Variants in FGF13 observed in about 807,000 individuals in gnomAD.
The protein encoded by FGF13 is fibroblast growth factor homologous factor 2.
A neutral mutation model predicts 19.5 loss-of-function variants in FGF13; 2 were observed. The observed-to-expected ratio is 0.10, with a 90% CI of 0.04 to 0.32. The LOEUF (loss-of-function observed/expected upper bound fraction) is 0.32. FGF13 is among the 10% of genes least tolerant of loss of function. The pLI is 1.00. For synonymous variants in FGF13, 72 were observed against 76.9 expected, an observed-to-expected ratio of 0.94 and a Z score of 0.33; for missense variants, 113 against 192.7, an observed-to-expected ratio of 0.59 and a Z score of 2.45.
intron 1 of FGF13, among the ~76,000 whole-genome samples, chrX:139,168,582 C>T (rs1031350800): frequency 8.1e-5 from 9 of 111,547 alleles, no homozygotes; most frequent in African/African-American, 2.6e-4. Context: ...CAGATAGCTA[C>T]AAATGTAATA....
At chrX:138,654,509 G>A (rs2089413135) in intron 3 of FGF13, among the ~76,000 whole-genome samples, 3 of 111,696 alleles carry the variant, frequency 2.7e-5, no homozygotes, top group Non-Finnish European at 5.6e-5. Flanking sequence ...GGGAGGCTGA[G>A]GTGGGCGGAT....
rs190101826 is a variant in FGF13, at chrX:139,161,081, G to A, written c.-113+42335C>T. On this transcript the variant is annotated intron_variant, in intron 1 of 2. Transcript: ENST00000421460. ...CAGGCCAATATCCATGATGAACATAGATGCAAAAATCCTCAATAAAATACT... is the reference window on the plus strand; with the variant it reads ...CAGGCCAATATCCATGATGAACATAAATGCAAAAATCCTCAATAAAATACT... Among the ~76,000 whole-genome samples the A allele has an allele frequency of 1.2e-4, 13 of 112,031 alleles. No individual in the cohort carries two copies. In the East Asian group the frequency reaches 3.6e-3, roughly 31 times the overall value.
At chrX:138,956,746 G>A (rs1340428937) in intron 1 of FGF13, among the ~76,000 whole-genome samples, 2 of 111,228 alleles carry the variant, frequency 1.8e-5, no homozygotes, top group Non-Finnish European at 3.8e-5. Flanking sequence ...TTCAACCAGG[G>A]ATTCTCTGGT....
At chrX:138,828,112 A>G (rs1817896295) in intron 3 of FGF13, among the ~76,000 whole-genome samples, 2 of 112,083 alleles carry the variant, frequency 1.8e-5, no homozygotes, top group South Asian at 7.4e-4. Flanking sequence ...ACTAGGAGAA[A>G]ACGATATATA....
At chrX:138,777,591 T>C (rs2090597890) in intron 3 of FGF13, among the ~76,000 whole-genome samples, 1 of 111,859 alleles carries the variant, frequency 8.9e-6, no homozygotes, top group Admixed American at 9.5e-5. Flanking sequence ...GAAGGTTCTT[T>C]ATTTCTGTGG....
chrX:138,960,629 G>A (rs987643371), intron 1 of FGF13, among the ~76,000 whole-genome samples: 4 of 111,618 alleles, frequency 3.6e-5, no homozygotes, highest in East Asian at 2.8e-4. Flanking sequence ...CATTCTCCCC[G>A]TCACTTTCAG....
At chrX:138,700,629 T>C (rs930494161) in intron 3 of FGF13, among the ~76,000 whole-genome samples, 1 of 111,315 alleles carries the variant, frequency 9.0e-6, no homozygotes, top group Admixed American at 9.6e-5. Flanking sequence ...ATTGGAAGAA[T>C]TGGAAAATTA....
At chrX:138,909,958 C>G (rs2091578838) in intron 1 of FGF13, among the ~76,000 whole-genome samples, 1 of 111,205 alleles carries the variant, frequency 9.0e-6, no homozygotes, top group East Asian at 2.9e-4. Context: ...GTTAGTGTAT[C>G]ATAGCTCTTA....
At chrX:138,935,795 C>T (rs1469738761) in intron 1 of FGF13, among the ~76,000 whole-genome samples, 1 of 111,705 alleles carries the variant, frequency 9.0e-6, no homozygotes, top group Non-Finnish European at 1.9e-5. Context: ...TATATTCTGA[C>T]AACCACTGCT....
intron 2 of FGF13, among the ~76,000 whole-genome samples, chrX:138,861,594 C>T (rs2091288362): frequency 8.9e-6 from 1 of 111,967 alleles, no homozygotes; most frequent in African/African-American, 3.2e-5. Context: ...TGTTTTAAAA[C>T]ATAAGGAAAA....
intron 3 of FGF13, among the ~76,000 whole-genome samples, chrX:138,637,386 T>C (rs1431144264): frequency 8.9e-6 from 1 of 112,360 alleles, no homozygotes; most frequent in East Asian, 2.8e-4. Flanking sequence ...AAAGTCATCA[T>C]TGGAGAATGG....
intron 1 of FGF13, among the ~76,000 whole-genome samples, chrX:138,966,150 G>T (rs1289929578): frequency 8.9e-6 from 1 of 111,895 alleles, no homozygotes; most frequent in Non-Finnish European, 1.9e-5. Context: ...CAGTGCAGAA[G>T]GGAAATGTGG....
At chrX:138,777,193 G>T (rs577773122) in intron 3 of FGF13, among the ~76,000 whole-genome samples, 3 of 111,183 alleles carry the variant, frequency 2.7e-5, no homozygotes, top group African/African-American at 9.8e-5. Context: ...TGGCAGCAAG[G>T]GGACATGATT....
intron 1 of FGF13, among the ~76,000 whole-genome samples, chrX:139,193,923 A>G (rs769562489): frequency 1.8e-5 from 2 of 111,895 alleles, no homozygotes; most frequent in Non-Finnish European, 1.9e-5. Flanking sequence ...ATAGTTGTCT[A>G]TGTGTGTTTA....
At chrX:138,797,776 A>G in intron 3 of FGF13, among the ~76,000 whole-genome samples, 1 of 111,171 alleles carries the variant, frequency 9.0e-6, no homozygotes, top group Middle Eastern at 4.6e-3. Flanking sequence ...GAGGTCCTTC[A>G]TGTACCTTGT....
chrX:138,874,155 A>AATATATAT (rs746792067), intron 1 of FGF13, among the ~76,000 whole-genome samples: 17 of 98,149 alleles, frequency 1.7e-4, no homozygotes, highest in African/African-American at 6.0e-4. Context: ...AAGTATAATA[A>AATATATAT]ATATATATAT....
At chrX:139,065,753 G>A (rs1781856131) in intron 1 of FGF13, among the ~76,000 whole-genome samples, 1 of 110,901 alleles carries the variant, frequency 9.0e-6, no homozygotes, top group African/African-American at 3.3e-5. Flanking sequence ...CTCAATATTA[G>A]ACAGATCAAC....
chrX:139,147,345 A>G, intron 1 of FGF13, among the ~76,000 whole-genome samples: 1 of 110,699 alleles, frequency 9.0e-6, no homozygotes, highest in Middle Eastern at 4.2e-3. Flanking sequence ...ACACATCTGC[A>G]GGGAGCTTGC....
chrX:138,983,130 T>C (rs2091970716), intron 1 of FGF13, among the ~76,000 whole-genome samples: 1 of 110,588 alleles, frequency 9.0e-6, no homozygotes, highest in South Asian at 3.8e-4. Flanking sequence ...ATCCCACTTG[T>C]TTATTTCTGC....
Sources: allele counts gnomAD v4.1 joint callset (sites outside exome capture counted in the v4.1 genomes callset), GRCh38; gene constraint gnomAD v4.1.1; transcripts MANE v1.5; gene names NCBI Gene and HGNC (gene_info 2026-07-23, HGNC 2026-07-21).